Variants in KIRREL3 observed in about 807,000 individuals in gnomAD.
KIRREL3 encodes kirre like nephrin family adhesion molecule 3.
A neutral mutation model predicts 89.7 loss-of-function variants in KIRREL3; 36 were observed. The ratio of observed to expected loss-of-function variants is 0.40; its 90% CI spans 0.31 to 0.53. KIRREL3 has a LOEUF of 0.53. Ranked by LOEUF, KIRREL3 falls within the 20% of genes least tolerant of loss-of-function variation. The probability of loss-of-function intolerance (pLI) is 0.49; values close to 1 mark genes in which losing one functional copy is unlikely to be tolerated. For synonymous variants in KIRREL3, 445 were observed against 441.4 expected (o/e 1.01, Z -0.10); for missense variants, 864 against 1,056.6 (o/e 0.82, Z 2.53).
chr11:126,473,665 G>A (rs1956990670), intron 4 of KIRREL3, among the ~76,000 whole-genome samples, 199 bp from the exon 5 acceptor site: 1 of 152,354 alleles, frequency 6.6e-6, no homozygotes, highest in East Asian at 1.9e-4. Context: ...TTACAGTGGA[G>A]GATATTCCTG....
At position 126,996,462 on chromosome 11, in the gene KIRREL3, C is replaced by T. The variant is rs2135294231; in HGVS notation, c.55+3993G>A. Among the ~76,000 whole-genome samples, 1 of 152,310 alleles carries T rather than the reference C, an allele frequency of 6.6e-6. No homozygotes were observed. The highest frequency in any genetic ancestry group is 2.1e-4 in the South Asian group (1 of 4,818). On this transcript the variant is annotated intron_variant, in intron 1 of 16. Transcript: ENST00000525144. This position sits in a 1 kb window ranked among gnomAD's most constrained non-coding sequence, Gnocchi z 4.7. ...TGTTCAGGCTCTCTTCCGATGCCTC[C>T]CCAACCCTGCCCCTCCCAAGGGAAC...
chr11:126,668,887 G>A lies in KIRREL3; in HGVS notation c.56-105975C>T, dbSNP rs1474536461. Among the ~76,000 whole-genome samples, 1 of 151,926 alleles carries A rather than the reference G, an allele frequency of 6.6e-6. No individual in the cohort carries two copies. The highest frequency in any genetic ancestry group is 1.5e-5 in the Non-Finnish European group (1 of 67,994). ...AAGAATCTATTCCTATAGGCGTTTG[G>A]TCATTGCAGGGTTAAGAAAATTTGA... On this transcript the variant is annotated intron_variant, in intron 1 of 16. Transcript: ENST00000525144. This position sits in a 1 kb window ranked among gnomAD's most constrained non-coding sequence, Gnocchi z 4.4.
intron 1 of KIRREL3, among the ~76,000 whole-genome samples, chr11:126,588,811 G>A (rs969338857): frequency 1.3e-5 from 2 of 152,132 alleles, no homozygotes; most frequent in Admixed American, 6.5e-5. Context: ...GGAAATATAC[G>A]TCAAATGAAT....
At chr11:126,440,173 C>A in intron 11 of KIRREL3, 1 of 664,224 alleles carries the variant, frequency 1.5e-6, no homozygotes, top group East Asian at 2.9e-5. Flanking sequence ...CTCGTGTGCC[C>A]CTCTGCCCTT....
At chr11:126,923,165 T>TTCTTCTTCTTCTTCTTCTTC (rs1592368578) in intron 1 of KIRREL3, among the ~76,000 whole-genome samples, 1 of 24,498 alleles carries the variant, frequency 4.1e-5, no homozygotes, top group Admixed American at 5.1e-4. Context: ...CTTCTTCTTC[T>TTCTTCTTCTTCTTCTTCTTC]TCTTCTTCTT....
intron 1 of KIRREL3, among the ~76,000 whole-genome samples, chr11:126,637,647 T>C (rs947626718): frequency 1.3e-5 from 2 of 152,198 alleles, no homozygotes; most frequent in African/African-American, 4.8e-5. Context: ...TGAAATCTAC[T>C]TGGAGAATGG....
rs576240060 is a variant in KIRREL3 at position 126,475,798 on chromosome 11, C to T, written c.434-2332G>A. On this transcript the variant is annotated intron_variant, in intron 4 of 16. Transcript: ENST00000525144. The surrounding 1 kb of genome is among the most constrained non-coding windows in gnomAD (Gnocchi z 7.5). Reference sequence around the variant, plus strand: ...TCCACCAAGTGGGGGTGGGTGCAACCACTTGTGGAGGAGGGGAATTGCATC... The same window carrying T: ...TCCACCAAGTGGGGGTGGGTGCAACTACTTGTGGAGGAGGGGAATTGCATC... 6.6e-6 allele frequency among the ~76,000 whole-genome samples: 1 copy of T among 152,224 alleles called. No homozygotes were observed. Among genetic ancestry groups the T allele is most frequent in the African/African-American group, 2.4e-5 (1 of 41,462 alleles).
chr11:126,695,193 C>T (rs1039640165), intron 1 of KIRREL3, among the ~76,000 whole-genome samples: 2 of 152,082 alleles, frequency 1.3e-5, no homozygotes, highest in African/African-American at 4.8e-5. Flanking sequence ...TTTGCCAATC[C>T]CTGCTCTAAT....
intron 7 of KIRREL3, among the ~76,000 whole-genome samples, chr11:126,450,388 T>C (rs543462236): frequency 6.8e-6 from 1 of 146,498 alleles, no homozygotes; most frequent in Non-Finnish European, 1.5e-5. Context: ...CATGTGTGAG[T>C]GTGGGTATGT....
rs1946269662 is a variant in KIRREL3, at chr11:126,677,892, A to T, written c.56-114980T>A. The stretch of plus-strand genomic sequence containing the variant: ...TGGGAATGTTCCCAACCAGATGATT[A>T]TGGCTGTTGTCACCACCAAGCCCTG... On this transcript the variant is annotated intron_variant, in intron 1 of 16. Coordinates refer to ENST00000525144, the MANE Select transcript of KIRREL3 (RefSeq NM_032531.4). This position sits in a 1 kb window ranked among gnomAD's most constrained non-coding sequence, Gnocchi z 5.1. Among the ~76,000 whole-genome samples the T allele has an allele frequency of 1.3e-5, 2 of 152,044 alleles. No homozygotes were observed. The highest frequency in any genetic ancestry group is 4.8e-5 in the African/African-American group (2 of 41,392).
At chr11:126,907,759 G>T (rs531472905) in intron 1 of KIRREL3, among the ~76,000 whole-genome samples, 1 of 152,098 alleles carries the variant, frequency 6.6e-6, no homozygotes, top group South Asian at 2.1e-4. Context: ...CAGCAGGATC[G>T]GGCCCCTGCT....
chr11:126,665,756 C>T (rs1189802304), intron 1 of KIRREL3, among the ~76,000 whole-genome samples: 2 of 152,236 alleles, frequency 1.3e-5, no homozygotes, highest in South Asian at 2.1e-4. Flanking sequence ...GAGGCACATG[C>T]TTCAGCCCCA....
At chr11:126,880,850 AG>A (rs1404697777) in intron 1 of KIRREL3, among the ~76,000 whole-genome samples, 1 of 152,222 alleles carries the variant, frequency 6.6e-6, no homozygotes, top group Non-Finnish European at 1.5e-5. Flanking sequence ...AAATAGAAAG[AG>A]GCTTTGTGGA....
Position 126,594,965 on chromosome 11 carries a change from G to A in KIRREL3, c.56-32053C>T, listed in dbSNP as rs1942324799. 6.6e-6 allele frequency among the ~76,000 whole-genome samples: 1 copy of A among 152,328 alleles called. No individual in the cohort carries two copies. ...ACTTTGCAGCTGCCCTGGGCCCTCG[G>A]ACCCTCAGGGGCCTTCTGGGTTGTG... On this transcript the variant is annotated intron_variant, in intron 1 of 16. Transcript: ENST00000525144. This position sits in a 1 kb window ranked among gnomAD's most constrained non-coding sequence, Gnocchi z 5.0.
intron 1 of KIRREL3, among the ~76,000 whole-genome samples, chr11:126,765,021 A>G (rs1048320447): frequency 4.6e-5 from 7 of 152,254 alleles, no homozygotes; most frequent in African/African-American, 1.7e-4. Context: ...GTATCAGCTT[A>G]GAGAATACAA....
chr11:126,500,068 A>G (rs923133042), intron 4 of KIRREL3, among the ~76,000 whole-genome samples: 4 of 152,216 alleles, frequency 2.6e-5, no homozygotes, highest in African/African-American at 9.6e-5. Flanking sequence ...TGACTGCACT[A>G]TGATTTCAAT....
intron 1 of KIRREL3, among the ~76,000 whole-genome samples, chr11:126,929,455 T>C (rs756341811): frequency 1.4e-4 from 21 of 152,134 alleles, no homozygotes; most frequent in Non-Finnish European, 2.1e-4. Flanking sequence ...GTTCCACAAA[T>C]GCTGCCGTCT....
intron 2 of KIRREL3, among the ~76,000 whole-genome samples, chr11:126,556,058 T>C (rs1286986934): frequency 6.6e-6 from 1 of 152,178 alleles, no homozygotes; most frequent in African/African-American, 2.4e-5. Context: ...ATTTTTTTCT[T>C]AAAGCCATTG....
chr11:126,911,648 G>A (rs1294069745), intron 1 of KIRREL3, among the ~76,000 whole-genome samples: 1 of 152,156 alleles, frequency 6.6e-6, no homozygotes. Context: ...CAGTCAGGAA[G>A]GACTTTCCTC....
Sources: gnomAD v4.1 joint callset for allele counts (sites outside exome capture counted in the v4.1 genomes callset) on GRCh38, gnomAD v4.1.1 for gene constraint, Gnocchi (gnomAD v3.1) non-coding constraint, MANE v1.5 for transcripts, NCBI Gene and HGNC (gene_info 2026-07-23, HGNC 2026-07-21) for gene names.